Variants in IARS1 observed in about 807,000 individuals in gnomAD.
IARS1 encodes isoleucyl-tRNA synthetase 1, also known as isoleucine--tRNA ligase, cytoplasmic.
Under a neutral mutation model 168.2 loss-of-function variants are expected in IARS1, and 124 were observed. The observed-to-expected ratio is 0.74, with a 90% CI of 0.64 to 0.86. The LOEUF (loss-of-function observed/expected upper bound fraction) is 0.86. Among genes scored for constraint, IARS1 ranks in the 40% least tolerant of loss-of-function variants. The pLI, the probability that IARS1 is intolerant of heterozygous loss-of-function variation, is 0.00. For missense variants in IARS1, 1,452 were observed against 1,515.8 expected (o/e 0.96, Z 0.70); for synonymous variants, 532 against 529.4 (o/e 1.00, Z -0.07).
chr9:92,261,605 G>T (rs1330663176), intron 17 of IARS1, among the ~76,000 whole-genome samples: 1 of 152,184 alleles, frequency 6.6e-6, no homozygotes, highest in African/African-American at 2.4e-5. Flanking sequence ...ATCTGAATAC[G>T]ATTAGTGGGC....
intron 6 of IARS1, among the ~76,000 whole-genome samples, chr9:92,282,742 C>T (rs1834808547): frequency 6.6e-6 from 1 of 151,508 alleles, no homozygotes; most frequent in Admixed American, 6.6e-5. Context: ...TGCATTCCAG[C>T]CTAGGTGACA....
intron 33 of IARS1, among the ~76,000 whole-genome samples, chr9:92,212,307 A>G (rs1412737686): frequency 6.6e-6 from 1 of 152,218 alleles, no homozygotes; most frequent in African/African-American, 2.4e-5. Context: ...AAACGAAGCT[A>G]TAGATACTAG....
chr9:92,225,660 A>G (rs1325692112), intron 31 of IARS1, among the ~76,000 whole-genome samples: 1 of 151,922 alleles, frequency 6.6e-6, no homozygotes, highest in Non-Finnish European at 1.5e-5. Flanking sequence ...CAAGATCACA[A>G]TGGGGTGAAC....
intron 9 of IARS1, 141 bp downstream of exon 9, chr9:92,277,722 T>C (rs1345944422): frequency 3.3e-6 from 2 of 609,520 alleles, no homozygotes; most frequent in Non-Finnish European, 5.6e-6. Flanking sequence ...ACACAAACAA[T>C]TTAATTTTGT....
Position 92,280,744 on chromosome 9 carries a change from A to T in IARS1, c.745+2T>A. Reference sequence around the variant, plus strand: ...ATCATAAGTAACCAGCCTCCCACTTACCTTTAATTTTCACATATTGCATTT... The same window carrying T: ...ATCATAAGTAACCAGCCTCCCACTTTCCTTTAATTTTCACATATTGCATTT... On this transcript the variant is annotated splice_donor_variant, in intron 7 of 33. Coordinates refer to ENST00000443024, the MANE Select transcript of IARS1 (RefSeq NM_002161.6). LOFTEE classifies it high-confidence loss of function. 1 of 1,603,262 alleles carries T rather than the reference A, an allele frequency of 6.2e-7. No homozygotes were observed. Among genetic ancestry groups the T allele is most frequent in the Non-Finnish European group, 8.5e-7 (1 of 1,173,930 alleles).
rs556604976 is a variant in IARS1, at chr9:92,251,452, T to A, written c.2307+356A>T. Among the ~76,000 whole-genome samples the A allele has an allele frequency of 2.0e-5, 3 of 152,310 alleles. No homozygotes were observed. In the East Asian group the frequency reaches 5.8e-4, roughly 29 times the overall value. On this transcript the variant is annotated intron_variant, in intron 22 of 33. Transcript: ENST00000443024. ...TTTTTTGTGATATATATATATTTACTCAGACAGGTATTAGCTGAAGAACCT... is the reference window on the plus strand; with the variant it reads ...TTTTTTGTGATATATATATATTTACACAGACAGGTATTAGCTGAAGAACCT...
chr9:92,283,465 G>GT (rs1834958828), intron 6 of IARS1, among the ~76,000 whole-genome samples: 1 of 152,088 alleles, frequency 6.6e-6, no homozygotes, highest in South Asian at 2.1e-4. Flanking sequence ...CCAACATGGC[G>GT]AAACCCTGTC....
intron 9 of IARS1, among the ~76,000 whole-genome samples, chr9:92,275,682 A>C (rs1038677354): frequency 6.6e-6 from 1 of 152,222 alleles, no homozygotes; most frequent in African/African-American, 2.4e-5. Flanking sequence ...GGGCCTACCC[A>C]GGCCATGGCT....
chr9:92,250,768 A>C lies in IARS1; in HGVS notation c.2374T>G (p.Ser792Ala). 6.2e-7 allele frequency: 1 copy of C among 1,613,782 alleles called. No homozygotes were observed. The highest frequency in any genetic ancestry group is 8.5e-7 in the Non-Finnish European group (1 of 1,179,840). Residue 792 changes from serine to alanine, a missense_variant, in exon 23 of 34, where the codon TCT becomes GCT. By Grantham distance (99) the Ser-to-Ala change is moderately conservative. Transcript: ENST00000443024. ...CTGAGTGTGTCCTTGTCCTGAACAGAAACAGGGTCAATCAGCACCTTTAGA... is the reference window on the plus strand; with the variant it reads ...CTGAGTGTGTCCTTGTCCTGAACAGCAACAGGGTCAATCAGCACCTTTAGA... ...QNLKVLIDPV[S>A]VQDKDTLSIH...
In IARS1 at chr9:92,289,282, A is replaced by C; in HGVS notation, c.119+19T>G. On this transcript the variant is annotated intron_variant, in intron 2 of 33. Coordinates refer to ENST00000443024, the MANE Select transcript of IARS1 (RefSeq NM_002161.6). ...AAATGACTATTCTTAAGGGAACTTA[A>C]CCTAAAAAATTCACATACTTTGGTT... The C allele has an allele frequency of 2.0e-6, 2 of 985,626 alleles. No individual in the cohort carries two copies. The highest frequency in any genetic ancestry group is 3.2e-6 in the Non-Finnish European group (2 of 620,362). 61.1% of individuals were successfully genotyped at this position (985,626 alleles called of 1,614,324 possible). A position where few individuals can be genotyped will look rare whatever the true frequency, so the allele number is the denominator to read the frequency against.
At position 92,210,570 on chromosome 9, in the gene IARS1, T is replaced by C. The variant is rs765863316; in HGVS notation, c.*237A>G. ...AAATAAACTGTGGGCTGAAGTAACATTGTAACCTGCTCCCAACATGACTGC... is the reference window on the plus strand; with the variant it reads ...AAATAAACTGTGGGCTGAAGTAACACTGTAACCTGCTCCCAACATGACTGC... On this transcript the variant is annotated 3_prime_UTR_variant, in exon 34 of 34. Transcript: ENST00000443024. 1.9e-5 allele frequency: 8 copies of C among 410,718 alleles called. No individual in the cohort carries two copies. The Admixed American group carries it at 2.0e-4, about 10-fold the overall frequency. 25.4% of individuals were successfully genotyped at this position (410,718 alleles called of 1,614,324 possible). A position where few individuals can be genotyped will look rare whatever the true frequency, so the allele number is the denominator to read the frequency against.
In IARS1 at chr9:92,229,253, CTATA is replaced by C. The variant is rs1342307780; in HGVS notation, c.3284-131_3284-128del. The C allele has an allele frequency of 6.4e-6, 5 of 780,694 alleles. No homozygotes were observed. The East Asian group carries it at 1.4e-4, about 21-fold the overall frequency. 48.4% of individuals were successfully genotyped at this position (780,694 alleles called of 1,614,324 possible). A position where few individuals can be genotyped will look rare whatever the true frequency, so the allele number is the denominator to read the frequency against. On this transcript the variant is annotated intron_variant, in intron 30 of 33. Transcript: ENST00000443024. The stretch of plus-strand genomic sequence containing the variant: ...TTTTTCCTTTTCCCCCAACTATACA[CTATA>C]TATATGTGTATATATAGCTTATTAT...
chr9:92,288,151 C>T lies in IARS1; in HGVS notation c.251G>A (p.Gly84Glu), dbSNP rs1835748323. ...QSGFHVDRRFGWDCHGLPVEY... is the reference protein window; with the variant it reads ...QSGFHVDRRFEWDCHGLPVEY... The stretch of plus-strand genomic sequence containing the variant: ...CACAGGTAAGCCATGGCAATCCCAT[C>T]CAAATCTTCTGTCAACATGAAACCC... Residue 84 changes from glycine (G) to glutamate (E), a missense_variant, in exon 3 of 34, where the codon GGA becomes GAA. Physicochemically the swap from Gly to Glu is moderately conservative, Grantham distance 98 (BLOSUM62 -2). Transcript: ENST00000443024. 6.2e-7 allele frequency: 1 copy of T among 1,613,858 alleles called. No homozygotes were observed. The highest frequency in any genetic ancestry group is 1.1e-5 in the South Asian group (1 of 91,044).
chr9:92,270,194 G>A (rs1832819960), intron 12 of IARS1, among the ~76,000 whole-genome samples: 1 of 152,214 alleles, frequency 6.6e-6, no homozygotes, highest in Non-Finnish European at 1.5e-5. Flanking sequence ...ACAAGAACAA[G>A]AGTAGAAAAA....
chr9:92,222,711 T>C, intron 32 of IARS1, 39 bp from the exon 33 acceptor site: 1 of 1,608,418 alleles, frequency 6.2e-7, no homozygotes. Context: ...ATCTCGAGAG[T>C]TCACCCTCTA....
chr9:92,291,942 T>A (rs1836407859), intron 1 of IARS1, among the ~76,000 whole-genome samples: 1 of 152,112 alleles, frequency 6.6e-6, no homozygotes, highest in Non-Finnish European at 1.5e-5. Context: ...GTTCTAACAA[T>A]TATTCAGGAA....
chr9:92,271,395 C>G (rs563895443), intron 11 of IARS1, 138 bp downstream of exon 11: 1 of 1,077,246 alleles, frequency 9.3e-7, no homozygotes, highest in African/African-American at 1.6e-5. Flanking sequence ...TAACTGATAA[C>G]ATCTGTCTTT....
At chr9:92,227,317 T>G (rs1235399449) in intron 31 of IARS1, among the ~76,000 whole-genome samples, 1 of 151,610 alleles carries the variant, frequency 6.6e-6, no homozygotes, top group Non-Finnish European at 1.5e-5. Context: ...AATGAGCTGT[T>G]GGGTACACCT....
chr9:92,240,704 T>C (rs1239734234), intron 30 of IARS1, 152 bp downstream of exon 30: 1 of 719,538 alleles, frequency 1.4e-6, no homozygotes, highest in Non-Finnish European at 2.6e-6. Context: ...AGTGAATTCA[T>C]TTTGATGACA....
Sources: gnomAD v4.1 joint callset for allele counts (sites outside exome capture counted in the v4.1 genomes callset) on GRCh38, gnomAD v4.1.1 for gene constraint, MANE v1.5 for transcripts, NCBI Gene and HGNC (gene_info 2026-07-23, HGNC 2026-07-21) for gene names.